Variants in ZNF251 observed in about 807,000 individuals in gnomAD.
The protein encoded by ZNF251 is zinc finger protein 251.
A neutral mutation model predicts 13.5 loss-of-function variants in ZNF251; 14 were observed. The observed-to-expected ratio is 1.04, with a 90% CI of 0.69 to 1.63. The LOEUF is 1.63. Ranked by LOEUF, ZNF251 falls within the 40% of genes most tolerant of loss-of-function variation. The probability of loss-of-function intolerance (pLI) is 0.00; values close to 1 mark genes in which losing one functional copy is unlikely to be tolerated. For synonymous variants in ZNF251, 287 were observed against 295.2 expected (o/e 0.97, Z 0.28); for missense variants, 764 against 834.9 (o/e 0.92, Z 1.05).
chr8:144,731,353 A>G lies in ZNF251; in HGVS notation c.278-7971T>C, dbSNP rs527546026. ...GTGTTTCCTCAATGGTATACTGTGT[A>G]CCGATGGAACTTTCTGGGCAACAAT... On this transcript the variant is annotated intron_variant, in intron 4 of 4. Coordinates refer to ENST00000292562, the MANE Select transcript of ZNF251 (RefSeq NM_138367.2). Among the ~76,000 whole-genome samples, 11 of 152,332 alleles carry G rather than the reference A, an allele frequency of 7.2e-5. 1 individual carries two copies. The South Asian group carries it at 2.1e-3, about 29-fold the overall frequency.
In ZNF251 at chr8:144,722,407, G is replaced by A. The variant is rs1275874438; in HGVS notation, c.1253C>T (p.Ser418Phe). ...AATCCTTACGTGTTCAGTAAGATGA[G>A]AGTTAAAACCAAAGGCTCTGCCGCA... ...NECGRAFGFN[S>F]HLTEHVRIHT... The change falls in exon 5 of 5, where the codon TCT becomes TTT. Residue 418 changes from serine to phenylalanine, a missense_variant. Physicochemically the swap from Ser to Phe is radical, Grantham distance 155. Coordinates refer to ENST00000292562, the MANE Select transcript of ZNF251 (RefSeq NM_138367.2). The surrounding 1 kb of genome is among the most constrained non-coding windows in gnomAD (Gnocchi z 4.8). The A allele has an allele frequency of 1.9e-6, 3 of 1,613,838 alleles. No individual in the cohort carries two copies. Among genetic ancestry groups the A allele is most frequent in the African/African-American group, 1.3e-5 (1 of 74,920 alleles).
chr8:144,741,024 G>T (rs1044062041), intron 4 of ZNF251, among the ~76,000 whole-genome samples: 37 of 152,190 alleles, frequency 2.4e-4, no homozygotes, highest in African/African-American at 8.7e-4. Flanking sequence ...GACAACAGGA[G>T]GCCCTGGAGG....
Position 144,731,948 on chromosome 8 carries a change from AT to A in ZNF251, c.278-8567del, listed in dbSNP as rs59877504. Among the ~76,000 whole-genome samples, 159 of 141,668 alleles carry A rather than the reference AT, an allele frequency of 1.1e-3. 2 individuals carry two copies. In the South Asian group the frequency reaches 0.013, roughly 12 times the overall value. The allele number at this position is 141,668 out of a possible 152,430, so 92.9% of individuals were successfully genotyped here. The stretch of plus-strand genomic sequence containing the variant: ...ATAAAGGACATGTCCTGACAGCTGC[AT>A]TTTTTTTTTTTAAGACAGAGTCTTT... On this transcript the variant is annotated intron_variant, in intron 4 of 4. Coordinates refer to ENST00000292562, the MANE Select transcript of ZNF251 (RefSeq NM_138367.2).
intron 2 of ZNF251, 65 bp downstream of exon 2, chr8:144,754,629 GGA>G (rs1824868601): frequency 6.4e-7 from 1 of 1,551,000 alleles, no homozygotes; most frequent in South Asian, 1.2e-5. Context: ...CGGCTCCAGA[GGA>G]GAGTAGCTTC....
In ZNF251 at chr8:144,721,931, G is replaced by T. The variant is rs1313835788; in HGVS notation, c.1729C>A (p.Pro577Thr). Residue 577 changes from proline to threonine, a missense_variant, in exon 5 of 5, where the codon CCC (proline) becomes ACC (threonine). Transcript: ENST00000292562. ...TGATCTTCAGTGGGTCGTGAGGTGG[G>T]ACTGAAAGCTTTTCCATATTCATTA... The part of the protein sequence containing the change: ...GCNEYGKAFS[P>T]TSRPTEDQIM... The T allele has an allele frequency of 3.3e-6, 5 of 1,516,114 alleles. No individual in the cohort carries two copies. The highest frequency in any genetic ancestry group is 2.2e-5 in the Admixed American group (1 of 45,140). The allele number at this position is 1,516,114 out of a possible 1,614,324, so 93.9% of individuals were successfully genotyped here. A position where few individuals can be genotyped will look rare whatever the true frequency, so the allele number is the denominator to read the frequency against.
At chr8:144,735,247 A>C (rs918072459) in intron 4 of ZNF251, among the ~76,000 whole-genome samples, 1 of 150,334 alleles carries the variant, frequency 6.7e-6, no homozygotes, top group African/African-American at 2.5e-5. Flanking sequence ...TTAGCTGGCC[A>C]GTAGTGGAGT....
intron 4 of ZNF251, among the ~76,000 whole-genome samples, chr8:144,749,889 T>C (rs943673559): frequency 6.6e-5 from 10 of 150,832 alleles, no homozygotes; most frequent in East Asian, 1.9e-4. Flanking sequence ...TTTTTCTTTT[T>C]TTTTTTTTTT....
intron 4 of ZNF251, among the ~76,000 whole-genome samples, chr8:144,742,475 C>A (rs1434663844): frequency 6.6e-6 from 1 of 151,610 alleles, no homozygotes; most frequent in Non-Finnish European, 1.5e-5. Context: ...ACCCCACCCC[C>A]CACACACCTC....
chr8:144,747,184 A>G (rs1824468429), intron 4 of ZNF251, among the ~76,000 whole-genome samples: 1 of 152,222 alleles, frequency 6.6e-6, no homozygotes, highest in Admixed American at 6.5e-5. Flanking sequence ...AATTCAAAAT[A>G]TTCTAAAATT....
At chr8:144,750,916 C>T (rs1824664573) in intron 4 of ZNF251, among the ~76,000 whole-genome samples, 1 of 145,930 alleles carries the variant, frequency 6.9e-6, no homozygotes, top group Admixed American at 7.0e-5. Flanking sequence ...GTAGTGCAAT[C>T]TTGGCTCACT....
intron 4 of ZNF251, among the ~76,000 whole-genome samples, chr8:144,743,426 C>A (rs1415421974): frequency 6.6e-6 from 1 of 152,140 alleles, no homozygotes; most frequent in Non-Finnish European, 1.5e-5. Context: ...GTTTATTTAC[C>A]CGCTTATCTA....
intron 4 of ZNF251, among the ~76,000 whole-genome samples, chr8:144,731,642 A>G (rs915570316): frequency 2.6e-5 from 4 of 152,240 alleles, no homozygotes; most frequent in Non-Finnish European, 4.4e-5. Flanking sequence ...GCTGGAGTGC[A>G]GTGGCACGAT....
At position 144,722,096 on chromosome 8, in the gene ZNF251, C is replaced by T. The variant is rs1425191042; in HGVS notation, c.1564G>A (p.Gly522Ser). 3 of 1,613,814 alleles carry T rather than the reference C, an allele frequency of 1.9e-6. No individual in the cohort carries two copies. The highest frequency in any genetic ancestry group is 2.5e-6 in the Non-Finnish European group (3 of 1,179,898). Reference sequence around the variant, plus strand: ...CTGGAGCCATGAACAAAGGCTGGACCATGTTTTCTGCACTTACGAGTCTCT... The same window carrying T: ...CTGGAGCCATGAACAAAGGCTGGACTATGTTTTCTGCACTTACGAGTCTCT... ...SGETRKCRKH[G>S]PAFVHGSSLT... Residue 522 changes from glycine to serine, a missense_variant, in exon 5 of 5, where the codon GGT (glycine) becomes AGT (serine). Transcript: ENST00000292562. The surrounding 1 kb of genome is among the most constrained non-coding windows in gnomAD (Gnocchi z 4.8).
intron 4 of ZNF251, among the ~76,000 whole-genome samples, chr8:144,724,600 C>T (rs909115693): frequency 6.6e-6 from 1 of 152,210 alleles, no homozygotes; most frequent in Non-Finnish European, 1.5e-5. Context: ...CCTAAGTGGA[C>T]TGCCATATGT....
intron 4 of ZNF251, chr8:144,738,573 C>G: frequency 3.0e-6 from 3 of 985,450 alleles, no homozygotes; most frequent in Non-Finnish European, 3.6e-6. Context: ...GTTGGAGGAC[C>G]AATCAGTCAA....
At position 144,753,733 on chromosome 8, in the gene ZNF251, A is replaced by G; in HGVS notation, c.227T>C (p.Leu76Pro). 1.9e-6 allele frequency: 3 copies of G among 1,599,552 alleles called. No individual in the cohort carries two copies. The highest frequency in any genetic ancestry group is 1.3e-5 in the African/African-American group (1 of 74,796). ...TGGTTCCTCAGCTCCCAGAAGATTCAGGACCCAAAGTTCCTTCCCCTGCTC... is the reference window on the plus strand; with the variant it reads ...TGGTTCCTCAGCTCCCAGAAGATTCGGGACCCAAAGTTCCTTCCCCTGCTC... ...QLEQGKELWV[L>P]NLLGAEEPDI... Residue 76 changes from leucine to proline, a missense_variant, in exon 4 of 5, where the codon CTG becomes CCG. By Grantham distance (98) the Leu-to-Pro change is moderately conservative. Transcript: ENST00000292562.
intron 4 of ZNF251, among the ~76,000 whole-genome samples, chr8:144,727,654 G>A (rs932925217): frequency 2.6e-5 from 4 of 152,212 alleles, no homozygotes; most frequent in African/African-American, 9.6e-5. Context: ...TTGAGGCGAA[G>A]CTTTGGCTTA....
At position 144,734,181 on chromosome 8, in the gene ZNF251, C is replaced by T. The variant is rs1025926163; in HGVS notation, c.278-10799G>A. On this transcript the variant is annotated intron_variant, in intron 4 of 4. Coordinates refer to ENST00000292562, the MANE Select transcript of ZNF251 (RefSeq NM_138367.2). The surrounding 1 kb of genome is among the most constrained non-coding windows in gnomAD (Gnocchi z 4.4). The stretch of plus-strand genomic sequence containing the variant: ...TGCCTGGTGTTTTCCTTTGTCCCAG[C>T]GCTGAGCCGAGCGGAGCTCCTGGCT... Among the ~76,000 whole-genome samples, 4 of 152,194 alleles carry T rather than the reference C, an allele frequency of 2.6e-5. No individual in the cohort carries two copies. Among genetic ancestry groups the T allele is most frequent in the African/African-American group, 9.7e-5 (4 of 41,446 alleles).
rs1823878610 is a variant in ZNF251, at chr8:144,736,047, CCCTCAT to C, written c.278-12671_278-12666del. On this transcript the variant is annotated intron_variant, in intron 4 of 4. Transcript: ENST00000292562. ...CCAAATCCCTGGACTAAGAACCGGA[CCCTCAT>C]GGGCCCCCACGCTGGGCGGCTGTGC... 7.2e-5 allele frequency among the ~76,000 whole-genome samples: 11 copies of C among 152,326 alleles called. No homozygotes were observed. The South Asian group carries it at 2.3e-3, about 32-fold the overall frequency.
Sources: allele counts gnomAD v4.1 joint callset (sites outside exome capture counted in the v4.1 genomes callset), GRCh38; gene constraint gnomAD v4.1.1; non-coding constraint Gnocchi (gnomAD v3.1); transcripts MANE v1.5; gene names NCBI Gene and HGNC (gene_info 2026-07-23, HGNC 2026-07-21).